SEMA6D: variants seen among roughly 807,000 people sequenced by gnomAD.
The protein encoded by SEMA6D is semaphorin-6D.
In SEMA6D, 35 loss-of-function variants were observed where a neutral mutation model predicts 106.6. That is an observed-to-expected ratio of 0.33 (90% CI 0.25 to 0.44). The LOEUF is 0.44. Among genes scored for constraint, SEMA6D ranks in the 20% least tolerant of loss-of-function variants. The pLI is 1.00. For synonymous variants in SEMA6D, 499 were observed against 487.7 expected (o/e 1.02, Z -0.31); for missense variants, 1,185 against 1,345.9 (o/e 0.88, Z 1.87).
intron 3 of SEMA6D, among the ~76,000 whole-genome samples, chr15:47,532,681 T>G (rs751268776): frequency 6.6e-6 from 1 of 152,208 alleles, no homozygotes; most frequent in East Asian, 1.9e-4. Context: ...GTGCACTCCT[T>G]GGCCAATCCA....
chr15:47,703,725 T>G (rs2078860566), intron 4 of SEMA6D, among the ~76,000 whole-genome samples: 1 of 152,086 alleles, frequency 6.6e-6, no homozygotes, highest in African/African-American at 2.4e-5. Flanking sequence ...ATAATGGAAA[T>G]AAAAAGTATG....
At position 47,770,638 on chromosome 15, in the gene SEMA6D, G is replaced by T; in HGVS notation, c.2075G>T (p.Arg692Leu). ...TACTGCTATCGAGACATGTTTGTTC[G>T]GAAAAACAGAAAGATCCATAAAGAT... ...AVYCYRDMFV[R>L]KNRKIHKDAE... The change falls in exon 19 of 19, where the codon CGG becomes CTG. Residue 692 changes from arginine (R) to leucine (L), a missense_variant. By Grantham distance (102) the Arg-to-Leu change is moderately radical. Coordinates refer to ENST00000536845, the MANE Select transcript of SEMA6D (RefSeq NM_001358351.3). 6.2e-7 allele frequency: 1 copy of T among 1,613,928 alleles called. No individual in the cohort carries two copies. The highest frequency in any genetic ancestry group is 8.5e-7 in the Non-Finnish European group (1 of 1,179,956).
At chr15:47,382,419 A>G (rs1232919180) in intron 1 of SEMA6D, among the ~76,000 whole-genome samples, 1 of 152,044 alleles carries the variant, frequency 6.6e-6, no homozygotes, top group Non-Finnish European at 1.5e-5. Context: ...AGGCAGCAGA[A>G]TGACGTGAAC....
intron 3 of SEMA6D, among the ~76,000 whole-genome samples, chr15:47,529,104 C>T (rs79512506): frequency 0.023 from 3,496 of 152,148 alleles, 130 homozygotes; most frequent in African/African-American, 0.079. Context: ...ATACCTTATT[C>T]TTACAATCAA....
intron 1 of SEMA6D, among the ~76,000 whole-genome samples, chr15:47,233,200 A>G (rs1278693147): frequency 1.3e-5 from 2 of 151,980 alleles, no homozygotes; most frequent in Non-Finnish European, 2.9e-5. Flanking sequence ...TGAAAAGACT[A>G]TTCTTTCTCA....
intron 2 of SEMA6D, among the ~76,000 whole-genome samples, chr15:47,450,035 A>C (rs1245138923): frequency 6.6e-6 from 1 of 152,108 alleles, no homozygotes; most frequent in South Asian, 2.1e-4. Context: ...CCTTTTGTAC[A>C]TAGGGGATAG....
intron 8 of SEMA6D, 26 bp from the exon 9 acceptor site, chr15:47,762,990 C>G (rs1410165477): frequency 6.4e-7 from 1 of 1,552,534 alleles, no homozygotes; most frequent in East Asian, 2.3e-5. Context: ...CTTTAGGAAC[C>G]AGTTTGTTTT....
intron 3 of SEMA6D, among the ~76,000 whole-genome samples, chr15:47,562,145 T>C (rs1288954790): frequency 1.3e-5 from 2 of 152,008 alleles, no homozygotes; most frequent in Non-Finnish European, 2.9e-5. Flanking sequence ...TACCCACACA[T>C]ACATGGGCAA....
At chr15:47,196,709 T>G (rs1272866847) in intron 1 of SEMA6D, among the ~76,000 whole-genome samples, 2 of 152,206 alleles carry the variant, frequency 1.3e-5, no homozygotes, top group African/African-American at 4.8e-5. Context: ...AGCCCTTTCA[T>G]ATTGTAAGCT....
At chr15:47,506,858 G>A (rs1418717910) in intron 3 of SEMA6D, among the ~76,000 whole-genome samples, 4 of 152,090 alleles carry the variant, frequency 2.6e-5, no homozygotes, top group African/African-American at 9.7e-5. Flanking sequence ...CATCACTTTA[G>A]ATCCAGACAG....
intron 3 of SEMA6D, among the ~76,000 whole-genome samples, chr15:47,563,716 A>G (rs1566893172): frequency 1.3e-5 from 2 of 152,192 alleles, no homozygotes; most frequent in Non-Finnish European, 2.9e-5. Context: ...AGTCTTACTT[A>G]TTTTTAAATA....
intron 1 of SEMA6D, among the ~76,000 whole-genome samples, chr15:47,351,249 C>T (rs187269767): frequency 7.2e-5 from 11 of 152,282 alleles, no homozygotes; most frequent in Non-Finnish European, 1.3e-4. Context: ...ATGCCATGAT[C>T]ATCTTCCCTA....
intron 1 of SEMA6D, among the ~76,000 whole-genome samples, chr15:47,355,231 A>G (rs900403598): frequency 3.3e-5 from 5 of 152,240 alleles, no homozygotes; most frequent in Admixed American, 1.3e-4. Flanking sequence ...AGAATTCTCT[A>G]TCAGTTAAAT....
chr15:47,309,903 T>C (rs2036379716), intron 1 of SEMA6D, among the ~76,000 whole-genome samples: 1 of 152,140 alleles, frequency 6.6e-6, no homozygotes, highest in Non-Finnish European at 1.5e-5. Flanking sequence ...CACACCATGG[T>C]AAAGTAAAGA....
At chr15:47,297,792 A>G (rs1378401861) in intron 1 of SEMA6D, among the ~76,000 whole-genome samples, 1 of 152,154 alleles carries the variant, frequency 6.6e-6, no homozygotes, top group Non-Finnish European at 1.5e-5. Flanking sequence ...GAGCTGCTCT[A>G]TGAAGGGGTC....
chr15:47,663,615 T>C (rs2077969556), intron 4 of SEMA6D, among the ~76,000 whole-genome samples: 1 of 152,164 alleles, frequency 6.6e-6, no homozygotes, highest in African/African-American at 2.4e-5. Context: ...GTATAGGGAA[T>C]ACAGTGATCA....
At chr15:47,722,696 A>G (rs372863761) in intron 1 of SEMA6D, among the ~76,000 whole-genome samples, 2 of 152,186 alleles carry the variant, frequency 1.3e-5, no homozygotes, top group South Asian at 2.1e-4. Context: ...TCTTCTCTCC[A>G]TAACATTTAC....
At chr15:47,510,952 A>G (rs1341776207) in intron 3 of SEMA6D, among the ~76,000 whole-genome samples, 1 of 152,242 alleles carries the variant, frequency 6.6e-6, no homozygotes, top group East Asian at 1.9e-4. Context: ...TGATATTAAT[A>G]CCTTGCTAGA....
At chr15:47,706,227 G>A (rs962598187) in intron 4 of SEMA6D, among the ~76,000 whole-genome samples, 6 of 152,106 alleles carry the variant, frequency 3.9e-5, no homozygotes, top group Admixed American at 2.6e-4. Context: ...GTATAAATTT[G>A]TCCCATCTCT....
Sources: gnomAD v4.1 joint callset for allele counts (sites outside exome capture counted in the v4.1 genomes callset) on GRCh38, gnomAD v4.1.1 for gene constraint, MANE v1.5 for transcripts, NCBI Gene and HGNC (gene_info 2026-07-23, HGNC 2026-07-21) for gene names.